The following ZFHX3 variants were observed in gnomAD, a reference collection of about 807,000 sequenced individuals.
The protein encoded by ZFHX3 is zinc finger homeobox protein 3.
Under a neutral mutation model 279.1 loss-of-function variants are expected in ZFHX3, and 42 were observed. The ratio of observed to expected loss-of-function variants is 0.15; its 90% CI spans 0.12 to 0.19. ZFHX3 has a LOEUF of 0.19. Ranked by LOEUF, ZFHX3 falls within the 10% of genes least tolerant of loss-of-function variation. ZFHX3 has a pLI of 1.00. For synonymous variants in ZFHX3, 2,293 were observed against 1,957.8 expected (o/e 1.17, Z -4.52); for missense variants, 4,981 against 4,754.0 (o/e 1.05, Z -1.40).
intron 3 of ZFHX3, among the ~76,000 whole-genome samples, chr16:73,448,746 A>AT (rs1288035286): frequency 6.9e-6 from 1 of 145,874 alleles, no homozygotes; most frequent in Non-Finnish European, 1.5e-5. Flanking sequence ...AGGCACATTC[A>AT]TTTTTTCCTA....
At chr16:73,406,532 G>C (rs144412738) in intron 3 of ZFHX3, among the ~76,000 whole-genome samples, 19 of 152,152 alleles carry the variant, frequency 1.2e-4, no homozygotes, top group Non-Finnish European at 2.2e-4. Context: ...ACAGCTTCGC[G>C]TAGCTGCTCC....
chr16:73,239,276 C>T (rs529573138), intron 5 of ZFHX3, among the ~76,000 whole-genome samples: 52 of 152,282 alleles, frequency 3.4e-4, no homozygotes, highest in African/African-American at 1.2e-3. Context: ...ACCTACATCA[C>T]TTTTTTGACT....
At chr16:72,808,900 AG>A (rs1338078487) in intron 7 of ZFHX3, among the ~76,000 whole-genome samples, 27 of 152,230 alleles carry the variant, frequency 1.8e-4, no homozygotes, top group African/African-American at 6.5e-4. Context: ...AGAATAATAC[AG>A]TATGGCTGTT....
chr16:73,182,017 C>G (rs1057246459), intron 5 of ZFHX3, among the ~76,000 whole-genome samples: 2 of 152,150 alleles, frequency 1.3e-5, no homozygotes, highest in African/African-American at 4.8e-5. Flanking sequence ...AATTGTTCCT[C>G]CAGAGGAGGG....
chr16:73,071,468 G>A (rs1185180257), intron 8 of ZFHX3, among the ~76,000 whole-genome samples: 1 of 150,686 alleles, frequency 6.6e-6, no homozygotes, highest in Non-Finnish European at 1.5e-5. Context: ...TGCTGCTGCT[G>A]CTGCTGCTGC....
At chr16:73,861,406 G>C (rs2142390247) in intron 1 of ZFHX3, among the ~76,000 whole-genome samples, 1 of 152,266 alleles carries the variant, frequency 6.6e-6, no homozygotes, top group East Asian at 1.9e-4. Context: ...AACCAAAAAA[G>C]ATGCCAAAGA....
At chr16:73,156,351 T>G (rs1054940823) in intron 5 of ZFHX3, among the ~76,000 whole-genome samples, 2 of 151,780 alleles carry the variant, frequency 1.3e-5, no homozygotes, top group Non-Finnish European at 2.9e-5. Context: ...AAAAAATGAT[T>G]TGAGGTACTT....
At chr16:73,251,716 C>T (rs563070912) in intron 5 of ZFHX3, among the ~76,000 whole-genome samples, 7 of 128,076 alleles carry the variant, frequency 5.5e-5, no homozygotes, top group African/African-American at 1.8e-4. Context: ...CACACATACA[C>T]ACCACACACG....
intron 1 of ZFHX3, among the ~76,000 whole-genome samples, chr16:72,997,822 G>A (rs1274484807): frequency 6.6e-6 from 1 of 152,146 alleles, no homozygotes; most frequent in Non-Finnish European, 1.5e-5. Context: ...GCTCACAGCT[G>A]CAATCCTGAC....
At chr16:73,001,508 T>C (rs1384890488) in intron 1 of ZFHX3, among the ~76,000 whole-genome samples, 1 of 152,126 alleles carries the variant, frequency 6.6e-6, no homozygotes, top group Non-Finnish European at 1.5e-5. Context: ...ATCTCCATTT[T>C]GCAAATGAAA....
At chr16:73,206,362 G>A (rs2011803164) in intron 5 of ZFHX3, among the ~76,000 whole-genome samples, 1 of 152,308 alleles carries the variant, frequency 6.6e-6, no homozygotes, top group Middle Eastern at 3.4e-3. Flanking sequence ...GGAGGCATGG[G>A]AGATAGTTAA....
At chr16:73,573,037 G>A (rs527317589) in intron 2 of ZFHX3, among the ~76,000 whole-genome samples, 117 of 152,226 alleles carry the variant, frequency 7.7e-4, no homozygotes, top group Middle Eastern at 3.4e-3. Flanking sequence ...TTATCCCTCC[G>A]TGACCCCAAA....
intron 2 of ZFHX3, among the ~76,000 whole-genome samples, chr16:73,619,518 A>ATATATATATG (rs1198797728): frequency 6.7e-6 from 1 of 149,932 alleles, no homozygotes; most frequent in African/African-American, 2.5e-5. Flanking sequence ...ATATATATAT[A>ATATATATATG]TGTCTGTAAG....
intron 3 of ZFHX3, among the ~76,000 whole-genome samples, chr16:73,421,826 T>C (rs2017723596): frequency 6.6e-6 from 1 of 152,156 alleles, no homozygotes; most frequent in African/African-American, 2.4e-5. Context: ...GGAGCACACA[T>C]GCCCAGGACA....
At chr16:73,724,948 A>G (rs2142241851) in intron 1 of ZFHX3, among the ~76,000 whole-genome samples, 1 of 152,242 alleles carries the variant, frequency 6.6e-6, no homozygotes, top group Non-Finnish European at 1.5e-5. Context: ...AAAATCACTC[A>G]TGCCATAAAA....
chr16:73,819,015 T>C (rs946001449), intron 1 of ZFHX3, among the ~76,000 whole-genome samples: 2 of 152,144 alleles, frequency 1.3e-5, no homozygotes, highest in African/African-American at 4.8e-5. Flanking sequence ...ATGAAGTTGA[T>C]CTCTGTGTCC....
At chr16:72,915,024 C>A (rs750319981) in intron 3 of ZFHX3, among the ~76,000 whole-genome samples, 3 of 152,122 alleles carry the variant, frequency 2.0e-5, no homozygotes, top group African/African-American at 7.2e-5. Context: ...AACAAAAACA[C>A]ATAGGCTAAC....
intron 1 of ZFHX3, chr16:73,006,191 G>C (rs1963696154): frequency 6.6e-6 from 1 of 152,232 alleles, no homozygotes; most frequent in Non-Finnish European, 1.5e-5. Flanking sequence ...TGTGTTCCCA[G>C]TTTCAGAATG....
chr16:73,317,823 T>C (rs995624488), intron 4 of ZFHX3, among the ~76,000 whole-genome samples: 2 of 152,252 alleles, frequency 1.3e-5, no homozygotes, highest in South Asian at 2.1e-4. Context: ...CGCATGGAGA[T>C]GAAGGGATGG....
Sources: allele counts gnomAD v4.1 joint callset (sites outside exome capture counted in the v4.1 genomes callset), GRCh38; gene constraint gnomAD v4.1.1; transcripts MANE v1.5; gene names NCBI Gene and HGNC (gene_info 2026-07-23, HGNC 2026-07-21).